The following WDR44 variants were observed in gnomAD, a reference collection of about 807,000 sequenced individuals.
WDR44 encodes the protein WD repeat domain 44, also known as WD repeat-containing protein 44.
Under a neutral mutation model 65.7 loss-of-function variants are expected in WDR44, and 9 were observed. The observed-to-expected ratio is 0.14, with a 90% confidence interval of 0.08 to 0.24. WDR44 has a LOEUF of 0.24. Among genes scored for constraint, WDR44 ranks in the 10% least tolerant of loss-of-function variants. WDR44 has a pLI of 1.00. For missense variants in WDR44, 425 were observed against 670.9 expected (o/e 0.63, Z 4.05); for synonymous variants, 220 against 235.2 (o/e 0.94, Z 0.59).
chrX:118,438,801 T>TTTTTTTTTTTTTTTG (rs2057277406), intron 14 of WDR44, among the ~76,000 whole-genome samples: 1 of 95,915 alleles, frequency 1.0e-5, no homozygotes, highest in Non-Finnish European at 2.1e-5. Flanking sequence ...AGCCATGTTT[T>TTTTTTTTTTTTTTTG]TTTTTTTTTT....
Position 118,448,873 on chromosome X carries a change from CTA to C in WDR44, c.2648-18_2648-17del. Reference sequence around the variant, plus strand: ...TATTCCTTTAAAAATCAACTTAAAACTATTTTTTATACTTTTAAGGTATTATG... The same window carrying C: ...TATTCCTTTAAAAATCAACTTAAAACTTTTTTATACTTTTAAGGTATTATG... On this transcript the variant is annotated intron_variant, in intron 19 of 19. Transcript: ENST00000254029. The C allele has an allele frequency of 9.2e-7, 1 of 1,088,622 alleles. No individual in the cohort carries two copies. Among genetic ancestry groups the C allele is most frequent in the Non-Finnish European group, 1.2e-6 (1 of 808,390 alleles). The allele number at this position is 1,088,622 out of a possible 1,213,427, so 89.7% of individuals were successfully genotyped here.
intron 1 of WDR44, among the ~76,000 whole-genome samples, chrX:118,375,251 T>C (rs757854133): frequency 9.0e-6 from 1 of 111,257 alleles, no homozygotes; most frequent in East Asian, 2.8e-4. Flanking sequence ...TGAGGGTTGC[T>C]GGAAAGGCCA....
chrX:118,378,709 C>CGTGTGTGTGTGTGTGTGTGTGT (rs61698360), intron 2 of WDR44, among the ~76,000 whole-genome samples: 1,872 of 94,403 alleles, frequency 0.02, 61 homozygotes, highest in African/African-American at 0.061. Context: ...AATAAAAGAA[C>CGTGTGTGTGTGTGTGTGTGTGT]GTGTGTGTGT....
At chrX:118,376,994 C>G (rs1423311566) in intron 1 of WDR44, among the ~76,000 whole-genome samples, 1 of 108,810 alleles carries the variant, frequency 9.2e-6, no homozygotes, top group African/African-American at 3.4e-5. Flanking sequence ...CGGAGTGAGA[C>G]CCTATCTCAA....
intron 1 of WDR44, among the ~76,000 whole-genome samples, chrX:118,363,344 T>G (rs1417671141): frequency 1.0e-5 from 1 of 95,729 alleles, no homozygotes; most frequent in African/African-American, 4.0e-5. Flanking sequence ...GAGGTTGCAG[T>G]GAGCCAAGAT....
intron 9 of WDR44, among the ~76,000 whole-genome samples, chrX:118,406,010 G>A (rs190642939): frequency 1.0e-3 from 114 of 110,464 alleles, no homozygotes; most frequent in Non-Finnish European, 1.2e-3. Context: ...GTGTAGTGAC[G>A]TGTGCCTATA....
chrX:118,393,909 A>G, intron 4 of WDR44, 146 bp from the exon 5 acceptor site: 1 of 505,109 alleles, frequency 2.0e-6, no homozygotes, highest in Non-Finnish European at 3.2e-6. Flanking sequence ...TATGAGCTGT[A>G]TAGTCTTGAG....
intron 1 of WDR44, among the ~76,000 whole-genome samples, chrX:118,374,292 C>G (rs1176013827): frequency 1.1e-4 from 12 of 111,204 alleles, no homozygotes; most frequent in African/African-American, 3.6e-4. Context: ...TTTTTTTCAT[C>G]TTGGCACATG....
chrX:118,431,406 C>T (rs1283072606), intron 12 of WDR44, among the ~76,000 whole-genome samples: 4 of 111,935 alleles, frequency 3.6e-5, no homozygotes, highest in Non-Finnish European at 5.6e-5. Context: ...TGGGTTCAAG[C>T]GATTCTCCTG....
chrX:118,364,673 A>T (rs1309956465), intron 1 of WDR44, among the ~76,000 whole-genome samples: 2 of 112,182 alleles, frequency 1.8e-5, no homozygotes, highest in Non-Finnish European at 3.8e-5. Context: ...ACAGGTGTGG[A>T]AACTGAGGTT....
intron 14 of WDR44, among the ~76,000 whole-genome samples, chrX:118,439,612 A>G (rs982179903): frequency 9.0e-6 from 1 of 111,034 alleles, no homozygotes; most frequent in South Asian, 3.8e-4. Context: ...ATACACATAC[A>G]TAGATGTATG....
chrX:118,346,450 G>C lies in WDR44; in HGVS notation c.-54G>C. 1 of 1,100,158 alleles carries C rather than the reference G, an allele frequency of 9.1e-7. No individual in the cohort carries two copies. The highest frequency in any genetic ancestry group is 1.3e-6 in the Non-Finnish European group (1 of 795,246). 90.7% of individuals were successfully genotyped at this position (1,100,158 alleles called of 1,213,427 possible). Reference sequence around the variant, plus strand: ...GGAGGTCGACGAGGAGGAGACAAGAGTCACCCTTCCTCCAGGCGGCGCCGG... The same window carrying C: ...GGAGGTCGACGAGGAGGAGACAAGACTCACCCTTCCTCCAGGCGGCGCCGG... On this transcript the variant is annotated 5_prime_UTR_variant, in exon 1 of 20. Coordinates refer to ENST00000254029, the MANE Select transcript of WDR44 (RefSeq NM_019045.5).
chrX:118,400,665 GT>G (rs2056903584), intron 8 of WDR44, among the ~76,000 whole-genome samples: 1 of 73,243 alleles, frequency 1.4e-5, no homozygotes, highest in East Asian at 5.1e-4. Context: ...CCAGAAATCA[GT>G]TTTGTTTTTT....
intron 1 of WDR44, among the ~76,000 whole-genome samples, chrX:118,364,833 T>C (rs929352597): frequency 8.9e-6 from 1 of 112,555 alleles, no homozygotes; most frequent in African/African-American, 3.2e-5. Context: ...CTCAGGTTGT[T>C]ACTGAGATTG....
intron 8 of WDR44, among the ~76,000 whole-genome samples, chrX:118,399,432 A>G (rs999833645): frequency 4.5e-5 from 5 of 111,770 alleles, no homozygotes; most frequent in Admixed American, 9.6e-5. Context: ...CAAAGAAAGC[A>G]TTGAGAATTT....
At chrX:118,369,766 C>A (rs902888180) in intron 1 of WDR44, among the ~76,000 whole-genome samples, 1 of 111,817 alleles carries the variant, frequency 8.9e-6, no homozygotes. Context: ...CACGTCCAGC[C>A]GAAAATAACT....
chrX:118,427,852 T>G (rs1468472589), intron 12 of WDR44, among the ~76,000 whole-genome samples: 1 of 108,016 alleles, frequency 9.3e-6, no homozygotes, highest in Non-Finnish European at 1.9e-5. Flanking sequence ...TTTTTTTGTA[T>G]TTTTAGTAGA....
At chrX:118,352,351 T>TATATATATATATATATATATATA (rs2056420246) in intron 1 of WDR44, among the ~76,000 whole-genome samples, 1 of 22,259 alleles carries the variant, frequency 4.5e-5, no homozygotes, top group Non-Finnish European at 6.3e-5. Flanking sequence ...TATATATATA[T>TATATATATATATATATATATATA]ATTTTTTTTT....
At chrX:118,357,781 G>A (rs771308384) in intron 1 of WDR44, among the ~76,000 whole-genome samples, 8 of 109,497 alleles carry the variant, frequency 7.3e-5, no homozygotes, top group Admixed American at 6.9e-4. Flanking sequence ...CTAGGTGGGC[G>A]TAGAGGGGGA....
Sources: gnomAD v4.1 joint callset for allele counts (sites outside exome capture counted in the v4.1 genomes callset) on GRCh38, gnomAD v4.1.1 for gene constraint, MANE v1.5 for transcripts, NCBI Gene and HGNC (gene_info 2026-07-23, HGNC 2026-07-21) for gene names.